The following ZNF16 variants were observed in gnomAD, a reference collection of about 807,000 sequenced individuals.
The protein encoded by ZNF16 is zinc finger protein 16.
In ZNF16, 7 loss-of-function variants were observed where a neutral mutation model predicts 9.0. The ratio of observed to expected loss-of-function variants is 0.78; its 90% confidence interval spans 0.44 to 1.47. The LOEUF (loss-of-function observed/expected upper bound fraction) is 1.47, where lower values mean the gene tolerates loss of function less well. Ranked by LOEUF, ZNF16 falls within the 40% of genes most tolerant of loss-of-function variation. The pLI is 0.01. For synonymous variants in ZNF16, 312 were observed against 301.5 expected (o/e 1.03, Z -0.36); for missense variants, 830 against 854.2 (o/e 0.97, Z 0.35).
rs191126619 is a variant in ZNF16, at chr8:144,949,546, G to T, written c.-10+1251C>A. On this transcript the variant is annotated intron_variant, in intron 1 of 2. Coordinates refer to ENST00000394909, the MANE Select transcript of ZNF16 (RefSeq NM_006958.3). ...GACCTGTACCTTGAACAATTGCTTT[G>T]CTGAGATGCTGTTAATTTGTAACTT... Among the ~76,000 whole-genome samples the T allele has an allele frequency of 2.3e-4, 35 of 152,344 alleles. No homozygotes were observed. In the Middle Eastern group the frequency reaches 0.01, roughly 44 times the overall value.
In ZNF16 at chr8:144,931,539, C is replaced by G. The variant is rs776062132; in HGVS notation, c.1248G>C (p.Arg416=). The change falls in exon 3 of 3, where the codon CGG becomes CGC. Residue 416 remains arginine, a synonymous_variant. Transcript: ENST00000394909. ...ECNDCGKPFS[R]VSNLIKHHRV... is the part of the protein sequence containing the mutation. ...TGTGGTGCTTAATGAGGTTGGAGAC[C>G]CGACTGAAGGGCTTGCCACAATCAT... The G allele has an allele frequency of 1.9e-6, 3 of 1,613,980 alleles. No individual in the cohort carries two copies. The highest frequency in any genetic ancestry group is 2.2e-5 in the East Asian group (1 of 44,848).
intron 2 of ZNF16, chr8:144,944,680 G>C (rs964739650): frequency 6.6e-6 from 1 of 152,176 alleles, no homozygotes; most frequent in African/African-American, 2.4e-5. Flanking sequence ...TATGCTTCAT[G>C]ATTTTTGCTT....
chr8:144,948,212 T>C (rs1194957382), intron 1 of ZNF16: 3 of 152,106 alleles, frequency 2.0e-5, no homozygotes, highest in African/African-American at 4.8e-5. Flanking sequence ...TATGGACCAA[T>C]GATAAGGGGC....
chr8:144,936,534 C>T (rs1833685789), intron 2 of ZNF16, among the ~76,000 whole-genome samples: 1 of 152,134 alleles, frequency 6.6e-6, no homozygotes, highest in South Asian at 2.1e-4. Flanking sequence ...ACCAGTTTCT[C>T]CACATCCTCT....
chr8:144,945,324 A>G (rs2130048043), intron 2 of ZNF16: 1 of 152,096 alleles, frequency 6.6e-6, no homozygotes, highest in South Asian at 2.1e-4. Flanking sequence ...CTTTTAGTAG[A>G]GACAGGGTTT....
chr8:144,931,390 C>A lies in ZNF16; in HGVS notation c.1397G>T (p.Cys466Phe). ...TGEKPHVCNV[C>F]GKAFSYSSVL... The stretch of plus-strand genomic sequence containing the variant: ...TGAGCTATAACTAAAGGCTTTTCCA[C>A]ATACATTACACACGTGAGGCTTTTC... The change falls in exon 3 of 3, where the codon TGT becomes TTT. Residue 466 changes from cysteine to phenylalanine, a missense_variant. Transcript: ENST00000394909. 6.2e-7 allele frequency: 1 copy of A among 1,614,230 alleles called. No homozygotes were observed.
chr8:144,949,750 C>T (rs191064928), intron 1 of ZNF16, among the ~76,000 whole-genome samples: 18 of 152,298 alleles, frequency 1.2e-4, no homozygotes, highest in African/African-American at 2.2e-4. Flanking sequence ...CAATGCTCTG[C>T]GATAAGCCAC....
In ZNF16 at chr8:144,931,081, C is replaced by G. The variant is rs147113851; in HGVS notation, c.1706G>C (p.Gly569Ala). The G allele has an allele frequency of 6.2e-7, 1 of 1,614,066 alleles. No homozygotes were observed. Among genetic ancestry groups the G allele is most frequent in the African/African-American group, 1.3e-5 (1 of 74,920 alleles). ...TLIQHQRIHNGLKPHECNQCG... is the reference protein window; with the variant it reads ...TLIQHQRIHNALKPHECNQCG... Reference sequence around the variant, plus strand: ...CTGGTTACATTCATGGGGCTTCAGCCCATTATGAATCCTCTGATGCTGAAT... The same window carrying G: ...CTGGTTACATTCATGGGGCTTCAGCGCATTATGAATCCTCTGATGCTGAAT... The change falls in exon 3 of 3, where the codon GGG becomes GCG. Residue 569 changes from glycine to alanine, a missense_variant. Coordinates refer to ENST00000394909, the MANE Select transcript of ZNF16 (RefSeq NM_006958.3).
chr8:144,934,248 C>T (rs1833629104), intron 2 of ZNF16, among the ~76,000 whole-genome samples: 1 of 152,260 alleles, frequency 6.6e-6, no homozygotes, highest in African/African-American at 2.4e-5. Flanking sequence ...TCACTGGACA[C>T]CTGTGGTGCA....
At position 144,931,104 on chromosome 8, in the gene ZNF16, A is replaced by C. The variant is rs1354127497; in HGVS notation, c.1683T>G (p.Ile561Met). The C allele has an allele frequency of 6.2e-7, 1 of 1,614,226 alleles. No homozygotes were observed. Among genetic ancestry groups the C allele is most frequent in the East Asian group, 2.2e-5 (1 of 44,890 alleles). ...GCCCATTATGAATCCTCTGATGCTG[A>C]ATGAGGGTTGAGCTCTGGCTGAAGG... ...GKTFSQSSTL[I>M]QHQRIHNGLK... Residue 561 changes from isoleucine (I) to methionine (M), a missense_variant, in exon 3 of 3, where the codon ATT (isoleucine) becomes ATG (methionine). Physicochemically the swap from Ile to Met is conservative, Grantham distance 10. Coordinates refer to ENST00000394909, the MANE Select transcript of ZNF16 (RefSeq NM_006958.3).
intron 2 of ZNF16, among the ~76,000 whole-genome samples, chr8:144,943,091 T>C (rs1833842709): frequency 6.6e-6 from 1 of 152,202 alleles, no homozygotes; most frequent in African/African-American, 2.4e-5. Context: ...TTCTCCTTCA[T>C]TTTGAAGAAT....
rs1041752942 is a variant in ZNF16, at chr8:144,943,676, C to T, written c.196+2335G>A. Among the ~76,000 whole-genome samples the T allele has an allele frequency of 7.4e-5, 11 of 149,138 alleles. No individual in the cohort carries two copies. The South Asian group carries it at 1.1e-3, about 15-fold the overall frequency. On this transcript the variant is annotated intron_variant, in intron 2 of 2. Coordinates refer to ENST00000394909, the MANE Select transcript of ZNF16 (RefSeq NM_006958.3). ...CTGGGACTACAGGCATGCATCACCA[C>T]GCCTAGCTGATTTTTGTAGTTTTAG...
intron 1 of ZNF16, among the ~76,000 whole-genome samples, chr8:144,946,955 G>C (rs1833964655): frequency 1.6e-5 from 2 of 122,382 alleles, no homozygotes; most frequent in Non-Finnish European, 3.3e-5. Flanking sequence ...CCCTGCTGTG[G>C]GCCTGTGTCC....
intron 2 of ZNF16, among the ~76,000 whole-genome samples, chr8:144,935,503 G>A (rs1005538246): frequency 5.3e-5 from 8 of 152,156 alleles, no homozygotes; most frequent in Admixed American, 3.3e-4. Context: ...ACCATGCCCG[G>A]CCAAAGAACA....
chr8:144,932,393 G>T lies in ZNF16; in HGVS notation c.394C>A (p.Gln132Lys). 2 of 1,614,118 alleles carry T rather than the reference G, an allele frequency of 1.2e-6. No homozygotes were observed. The highest frequency in any genetic ancestry group is 1.7e-6 in the Non-Finnish European group (2 of 1,179,984). ...EGRRLPQSLSQEGDFTPAAMG... is the reference protein window; with the variant it reads ...EGRRLPQSLSKEGDFTPAAMG... The stretch of plus-strand genomic sequence containing the variant: ...GCAGCTGGTGTGAAGTCCCCCTCCT[G>T]GGAGAGGGACTGTGGCAGCCTCCTG... The change falls in exon 3 of 3, where the codon CAG (glutamine) becomes AAG (lysine). Residue 132 changes from glutamine to lysine, a missense_variant. Transcript: ENST00000394909. This position sits in a 1 kb window ranked among gnomAD's most constrained non-coding sequence, Gnocchi z 5.0.
intron 2 of ZNF16, among the ~76,000 whole-genome samples, chr8:144,941,784 A>G (rs541203500): frequency 4.5e-4 from 68 of 150,724 alleles, no homozygotes; most frequent in African/African-American, 1.4e-3. Context: ...TCAGCCTCCC[A>G]AGTAGCTGGG....
chr8:144,935,981 T>G (rs929025108), intron 2 of ZNF16, among the ~76,000 whole-genome samples: 1 of 152,188 alleles, frequency 6.6e-6, no homozygotes, highest in East Asian at 1.9e-4. Context: ...AACAGCGGCA[T>G]TTAGTACATC....
intron 2 of ZNF16, among the ~76,000 whole-genome samples, chr8:144,939,558 T>TGCACTCCA (rs1833754671): frequency 7.7e-6 from 1 of 129,044 alleles, no homozygotes; most frequent in Admixed American, 9.9e-5. Flanking sequence ...ATTGTGCCAC[T>TGCACTCCA]GCACTCCAGC....
At position 144,931,143 on chromosome 8, in the gene ZNF16, A is replaced by T; in HGVS notation, c.1644T>A (p.Thr548=). ...VHTGEKPYEC[T]ECGKTFSQSS... ...TCTGGCTGAAGGTTTTTCCACATTC[A>T]GTACATTCATAGGGCTTCTCTCCAG... Residue 548 remains threonine, a synonymous_variant, in exon 3 of 3, where the codon ACT becomes ACA. Transcript: ENST00000394909. 1 of 1,614,254 alleles carries T rather than the reference A, an allele frequency of 6.2e-7. No individual in the cohort carries two copies. Among genetic ancestry groups the T allele is most frequent in the Non-Finnish European group, 8.5e-7 (1 of 1,180,042 alleles).
Sources: allele counts gnomAD v4.1 joint callset (sites outside exome capture counted in the v4.1 genomes callset), GRCh38; gene constraint gnomAD v4.1.1; non-coding constraint Gnocchi (gnomAD v3.1); transcripts MANE v1.5; gene names NCBI Gene and HGNC (gene_info 2026-07-23, HGNC 2026-07-21).